Variants in GTSE1 observed in about 807,000 individuals in gnomAD.
GTSE1 encodes G2 and S-phase expressed 1.
Under a neutral mutation model 60.5 loss-of-function variants are expected in GTSE1, and 52 were observed. That is an observed-to-expected ratio of 0.86 (90% CI 0.69 to 1.08). The LOEUF (loss-of-function observed/expected upper bound fraction) is 1.08. Ranked by LOEUF, GTSE1 falls within the 50% of genes least tolerant of loss-of-function variation. The pLI, the probability that GTSE1 is intolerant of heterozygous loss-of-function variation, is 0.00. For missense variants in GTSE1, 937 were observed against 961.8 expected, an observed-to-expected ratio of 0.97 and a Z score of 0.34; for synonymous variants, 368 against 386.5, an observed-to-expected ratio of 0.95 and a Z score of 0.56.
chr22:46,303,993 A>C (rs1443681290), intron 2 of GTSE1, among the ~76,000 whole-genome samples: 3 of 152,090 alleles, frequency 2.0e-5, no homozygotes, highest in Non-Finnish European at 4.4e-5. Context: ...TTTGAGTGAG[A>C]AATATACCTT....
chr22:46,314,121 C>A lies in GTSE1; in HGVS notation c.1051+108C>A. On this transcript the variant is annotated intron_variant, in intron 6 of 11. Coordinates refer to ENST00000454366, the MANE Select transcript of GTSE1 (RefSeq NM_016426.7). The surrounding 1 kb of genome is among the most constrained non-coding windows in gnomAD (Gnocchi z 7.1). ...GCAGAACCACTTAGGCTTGGCAGGACGTCCCGGAGGGCGTGCTGTGTGCGG... is the reference window on the plus strand; with the variant it reads ...GCAGAACCACTTAGGCTTGGCAGGAAGTCCCGGAGGGCGTGCTGTGTGCGG... 7.2e-7 allele frequency: 1 copy of A among 1,397,464 alleles called. No homozygotes were observed. Among genetic ancestry groups the A allele is most frequent in the Non-Finnish European group, 9.9e-7 (1 of 1,005,608 alleles). The allele number at this position is 1,397,464 out of a possible 1,614,324, so 86.6% of individuals were successfully genotyped here. A position where few individuals can be genotyped will look rare whatever the true frequency, so the allele number is the denominator to read the frequency against.
Position 46,321,884 on chromosome 22 carries a change from G to A in GTSE1, c.1433-1306G>A, listed in dbSNP as rs982955646. ...AGGTCAGGAGTTCAAGACCAGCCTG[G>A]CCAACATGGCAAAACCCTGTCTCTA... On this transcript the variant is annotated intron_variant, in intron 7 of 11. Coordinates refer to ENST00000454366, the MANE Select transcript of GTSE1 (RefSeq NM_016426.7). This position sits in a 1 kb window ranked among gnomAD's most constrained non-coding sequence, Gnocchi z 4.0. 6.6e-6 allele frequency among the ~76,000 whole-genome samples: 1 copy of A among 152,080 alleles called. No individual in the cohort carries two copies. The highest frequency in any genetic ancestry group is 2.4e-5 in the African/African-American group (1 of 41,406).
rs570881035 is a variant in GTSE1 at position 46,308,782 on chromosome 22, C to T, written c.601C>T (p.Arg201Trp). The change falls in exon 4 of 12, where the codon CGG becomes TGG. Residue 201 changes from arginine to tryptophan, a missense_variant. Coordinates refer to ENST00000454366, the MANE Select transcript of GTSE1 (RefSeq NM_016426.7). ...CTCTGGTGCCCAGGCCCGCCTCACC[C>T]GGGCGCCGGGGCCTCCGCACTCTGC... Reference protein sequence around the residue: ...PSSGAQARLTRAPGPPHSAHA... With the variant: ...PSSGAQARLTWAPGPPHSAHA... The T allele has an allele frequency of 1.4e-5, 23 of 1,613,126 alleles. No homozygotes were observed. Among genetic ancestry groups the T allele is most frequent in the African/African-American group, 9.3e-5 (7 of 75,056 alleles).
intron 5 of GTSE1, among the ~76,000 whole-genome samples, chr22:46,312,849 A>G (rs2077756843): frequency 6.6e-6 from 1 of 151,986 alleles, no homozygotes; most frequent in Admixed American, 6.6e-5. Flanking sequence ...TCTTGAACAG[A>G]TGACATGAGA....
At chr22:46,327,845 T>C (rs2077852899) in intron 9 of GTSE1, among the ~76,000 whole-genome samples, 1 of 152,078 alleles carries the variant, frequency 6.6e-6, no homozygotes, top group South Asian at 2.1e-4. Flanking sequence ...TGGAAGAAAA[T>C]ATGCTGGCAT....
chr22:46,330,202 C>A lies in GTSE1; in HGVS notation c.*72C>A. 1.1e-6 allele frequency: 1 copy of A among 920,768 alleles called. No homozygotes were observed. Among genetic ancestry groups the A allele is most frequent in the Non-Finnish European group, 1.8e-6 (1 of 553,082 alleles). 57.0% of individuals were successfully genotyped at this position (920,768 alleles called of 1,614,324 possible). On this transcript the variant is annotated 3_prime_UTR_variant, in exon 12 of 12. Coordinates refer to ENST00000454366, the MANE Select transcript of GTSE1 (RefSeq NM_016426.7). The surrounding 1 kb of genome is among the most constrained non-coding windows in gnomAD (Gnocchi z 6.0). ...TCAACCCTCAGAAACAAGCTTTAGG[C>A]TGGTCGCAGTGGCTTACACTTGTAA...
chr22:46,330,258 A>G lies in GTSE1; in HGVS notation c.*128A>G. 1 of 649,974 alleles carries G rather than the reference A, an allele frequency of 1.5e-6. No homozygotes were observed. Among genetic ancestry groups the G allele is most frequent in the Non-Finnish European group, 2.8e-6 (1 of 352,866 alleles). 40.3% of individuals were successfully genotyped at this position (649,974 alleles called of 1,614,324 possible). A position where few individuals can be genotyped will look rare whatever the true frequency, so the allele number is the denominator to read the frequency against. On this transcript the variant is annotated 3_prime_UTR_variant, in exon 12 of 12. Transcript: ENST00000454366. The surrounding 1 kb of genome is among the most constrained non-coding windows in gnomAD (Gnocchi z 6.0). ...GAACTTGGGAGGCTGAGGTGGGCGG[A>G]TTACTTGAGCCCAGGAGTTCGGGAC...
intron 9 of GTSE1, among the ~76,000 whole-genome samples, chr22:46,328,243 A>C (rs1274970448): frequency 6.6e-6 from 1 of 152,136 alleles, no homozygotes; most frequent in African/African-American, 2.4e-5. Flanking sequence ...CTCAGCCCTG[A>C]TCAGGGCACT....
chr22:46,319,287 A>G lies in GTSE1; in HGVS notation c.1432+2875A>G, dbSNP rs2077798842. Among the ~76,000 whole-genome samples, 1 of 152,174 alleles carries G rather than the reference A, an allele frequency of 6.6e-6. No homozygotes were observed. Among genetic ancestry groups the G allele is most frequent in the Non-Finnish European group, 1.5e-5 (1 of 68,018 alleles). On this transcript the variant is annotated intron_variant, in intron 7 of 11. Coordinates refer to ENST00000454366, the MANE Select transcript of GTSE1 (RefSeq NM_016426.7). The surrounding 1 kb of genome is among the most constrained non-coding windows in gnomAD (Gnocchi z 5.0). The stretch of plus-strand genomic sequence containing the variant: ...ATCAGAGCAGAGCGACTTGACCTTC[A>G]GAAGGTCCCTCCACAGAGGGAAGAG...
Position 46,308,301 on chromosome 22 carries a change from CT to C in GTSE1, c.138-11del. 1 of 1,610,308 alleles carries C rather than the reference CT, an allele frequency of 6.2e-7. No homozygotes were observed. Among genetic ancestry groups the C allele is most frequent in the Non-Finnish European group, 8.5e-7 (1 of 1,177,230 alleles). On this transcript the variant is annotated splice_polypyrimidine_tract_variant and intron_variant, in intron 3 of 11. Coordinates refer to ENST00000454366, the MANE Select transcript of GTSE1 (RefSeq NM_016426.7). ...CCAGTGTTATGAGTTATTAATCATT[CT>C]TTTTTTAAACAAATAGTGCAAATGA... is the stretch of plus-strand genomic sequence containing the variant.
intron 6 of GTSE1, among the ~76,000 whole-genome samples, chr22:46,315,826 G>A (rs78628739): frequency 0.017 from 2,608 of 152,278 alleles, 65 homozygotes; most frequent in African/African-American, 0.059. Context: ...ATTATTTTGA[G>A]AATAAGTACC....
Position 46,297,580 on chromosome 22 carries a change from C to T in GTSE1, c.79+101C>T, listed in dbSNP as rs1401328898. ...GAGAAATTCTTTCTCAAGTGCTCGA[C>T]TTGTACTCTGCACCTGTGAAACACA... On this transcript the variant is annotated intron_variant, in intron 2 of 11. Coordinates refer to ENST00000454366, the MANE Select transcript of GTSE1 (RefSeq NM_016426.7). The surrounding 1 kb of genome is among the most constrained non-coding windows in gnomAD (Gnocchi z 4.9). 3.7e-6 allele frequency: 3 copies of T among 816,760 alleles called. No homozygotes were observed. The highest frequency in any genetic ancestry group is 6.2e-6 in the Non-Finnish European group (3 of 487,724). The allele number at this position is 816,760 out of a possible 1,614,324, so 50.6% of individuals were successfully genotyped here. A position where few individuals can be genotyped will look rare whatever the true frequency, so the allele number is the denominator to read the frequency against.
In GTSE1 at chr22:46,316,175, C is replaced by G; in HGVS notation, c.1195C>G (p.Arg399Gly). The G allele has an allele frequency of 1.2e-6, 2 of 1,613,142 alleles. No individual in the cohort carries two copies. The highest frequency in any genetic ancestry group is 1.7e-6 in the Non-Finnish European group (2 of 1,179,526). The part of the protein sequence containing the change: ...PVGASSWQAK[R>G]VDVSELAAEQ... ...GGGGGCATCCTCCTGGCAGGCCAAG[C>G]GGGTCGATGTTTCTGAGCTGGCAGC... The change falls in exon 7 of 12, where the codon CGG (arginine) becomes GGG (glycine). Residue 399 changes from arginine (R) to glycine (G), a missense_variant. Transcript: ENST00000454366. The surrounding 1 kb of genome is among the most constrained non-coding windows in gnomAD (Gnocchi z 5.0).
At chr22:46,303,354 G>T (rs1352121916) in intron 2 of GTSE1, among the ~76,000 whole-genome samples, 1 of 152,172 alleles carries the variant, frequency 6.6e-6, no homozygotes, top group East Asian at 1.9e-4. Context: ...TCTTCTCACT[G>T]TTCTTTGTAG....
At position 46,315,946 on chromosome 22, in the gene GTSE1, A is replaced by G. The variant is rs777129281; in HGVS notation, c.1052-86A>G. 316 of 1,037,634 alleles carry G rather than the reference A, an allele frequency of 3.0e-4. 1 individual carries two copies. The highest frequency in any genetic ancestry group is 4.2e-4 in the Non-Finnish European group (296 of 711,034). 64.3% of individuals were successfully genotyped at this position (1,037,634 alleles called of 1,614,324 possible). A position where few individuals can be genotyped will look rare whatever the true frequency, so the allele number is the denominator to read the frequency against. On this transcript the variant is annotated intron_variant, in intron 6 of 11. Coordinates refer to ENST00000454366, the MANE Select transcript of GTSE1 (RefSeq NM_016426.7). Reference sequence around the variant, plus strand: ...AATGTGTCTTATGTTTAAGGTAGATATGCTAAAGACAGCATAACTTCTGTG... The same window carrying G: ...AATGTGTCTTATGTTTAAGGTAGATGTGCTAAAGACAGCATAACTTCTGTG...
rs1054936643 is a variant in GTSE1, at chr22:46,324,904, A to G, written c.1506-1532A>G. Reference sequence around the variant, plus strand: ...GAAGAACGTAACAATTGCCCAGAATAGAGCAATAGACAGGTCTCCCTGGCC... The same window carrying G: ...GAAGAACGTAACAATTGCCCAGAATGGAGCAATAGACAGGTCTCCCTGGCC... On this transcript the variant is annotated intron_variant, in intron 8 of 11. Coordinates refer to ENST00000454366, the MANE Select transcript of GTSE1 (RefSeq NM_016426.7). This position sits in a 1 kb window ranked among gnomAD's most constrained non-coding sequence, Gnocchi z 5.2. Among the ~76,000 whole-genome samples the G allele has an allele frequency of 6.6e-6, 1 of 152,206 alleles. No individual in the cohort carries two copies. The highest frequency in any genetic ancestry group is 1.5e-5 in the Non-Finnish European group (1 of 68,026).
chr22:46,315,621 G>A (rs1265767885), intron 6 of GTSE1, among the ~76,000 whole-genome samples: 1 of 152,188 alleles, frequency 6.6e-6, no homozygotes, highest in African/African-American at 2.4e-5. Context: ...CAGCCTCCTT[G>A]TAATTTTAAA....
chr22:46,310,799 G>A lies in GTSE1; in HGVS notation c.763-1342G>A, dbSNP rs567261523. Among the ~76,000 whole-genome samples the A allele has an allele frequency of 2.0e-5, 3 of 152,260 alleles. No individual in the cohort carries two copies. The highest frequency in any genetic ancestry group is 3.9e-4 in the East Asian group (2 of 5,160). ...ACAAAAATTAGCCAAGTATGGTGGT[G>A]CACACCTGTAATCCCAGCTACTTGG... On this transcript the variant is annotated intron_variant, in intron 4 of 11. Coordinates refer to ENST00000454366, the MANE Select transcript of GTSE1 (RefSeq NM_016426.7). The surrounding 1 kb of genome is among the most constrained non-coding windows in gnomAD (Gnocchi z 4.4).
At position 46,309,542 on chromosome 22, in the gene GTSE1, C is replaced by G. The variant is rs1306241335; in HGVS notation, c.762+599C>G. 2.0e-5 allele frequency among the ~76,000 whole-genome samples: 3 copies of G among 152,132 alleles called. No homozygotes were observed. In the East Asian group the frequency reaches 5.8e-4, roughly 29 times the overall value. On this transcript the variant is annotated intron_variant, in intron 4 of 11. Transcript: ENST00000454366. The surrounding 1 kb of genome is among the most constrained non-coding windows in gnomAD (Gnocchi z 6.2). ...GAGCCCCGGGGCCCACCCTGCAGCC[C>G]GTTCCCAGCTCTGCCCCCTCCCCTG... is the stretch of plus-strand genomic sequence containing the variant.
Sources: allele counts gnomAD v4.1 joint callset (sites outside exome capture counted in the v4.1 genomes callset), GRCh38; gene constraint gnomAD v4.1.1; non-coding constraint Gnocchi (gnomAD v3.1); transcripts MANE v1.5; gene names NCBI Gene and HGNC (gene_info 2026-07-23, HGNC 2026-07-21).